Variants in COL6A6 observed in about 807,000 individuals in gnomAD.
COL6A6 encodes the protein collagen alpha-6(VI) chain.
Under a neutral mutation model 208.6 loss-of-function variants are expected in COL6A6, and 183 were observed. The observed-to-expected ratio is 0.88, with a 90% confidence interval of 0.78 to 0.99. The LOEUF is 0.99. Among genes scored for constraint, COL6A6 ranks in the 50% least tolerant of loss-of-function variants. The probability of loss-of-function intolerance (pLI) is 0.00; values close to 1 mark genes in which losing one functional copy is unlikely to be tolerated. For missense variants in COL6A6, 2,816 were observed against 2,815.2 expected (o/e 1.00, Z -0.01); for synonymous variants, 973 against 1,011.8 (o/e 0.96, Z 0.73).
intron 1 of COL6A6, among the ~76,000 whole-genome samples, chr3:130,537,002 C>G (rs191813454): frequency 9.9e-5 from 15 of 152,266 alleles, no homozygotes; most frequent in African/African-American, 3.6e-4. Context: ...ACAGTGTCTG[C>G]TCAGGGATGT....
intron 8 of COL6A6, among the ~76,000 whole-genome samples, chr3:130,575,010 C>T (rs986098559): frequency 2.6e-5 from 4 of 152,078 alleles, no homozygotes; most frequent in Non-Finnish European, 5.9e-5. Flanking sequence ...ACAATTAGTG[C>T]ATTTTGACAC....
chr3:130,566,641 G>C, intron 4 of COL6A6, 61 bp from the exon 5 acceptor site: 1 of 1,360,176 alleles, frequency 7.4e-7, no homozygotes, highest in Admixed American at 2.6e-5. Flanking sequence ...CTTTCCATGT[G>C]CTCTCATTTC....
At chr3:130,636,008 T>G (rs2065101431) in intron 28 of COL6A6, among the ~76,000 whole-genome samples, 3 of 152,208 alleles carry the variant, frequency 2.0e-5, no homozygotes, top group Admixed American at 6.5e-5. Context: ...TACTTAACAC[T>G]GGTAATAAGA....
chr3:130,642,501 C>T (rs909629628), intron 29 of COL6A6, among the ~76,000 whole-genome samples: 4 of 152,140 alleles, frequency 2.6e-5, no homozygotes, highest in Admixed American at 6.5e-5. Context: ...AGTCCTGAGG[C>T]GTAGGCGTGC....
Position 130,580,512 on chromosome 3 carries a change from CCA to C in COL6A6, c.3548-1048_3548-1047del, listed in dbSNP as rs770900164. On this transcript the variant is annotated intron_variant, in intron 8 of 36. Coordinates refer to ENST00000358511, the MANE Select transcript of COL6A6 (RefSeq NM_001102608.3). Reference sequence around the variant, plus strand: ...TAAGCATTTGCAAATGTCCAACTGACCAGTGTGTCTGGGAAGTAGTTAAGCAT... The same window carrying C: ...TAAGCATTTGCAAATGTCCAACTGACGTGTGTCTGGGAAGTAGTTAAGCAT... Among the ~76,000 whole-genome samples, 3 of 152,286 alleles carry C rather than the reference CCA, an allele frequency of 2.0e-5. No homozygotes were observed. The South Asian group carries it at 6.2e-4, about 32-fold the overall frequency.
intron 32 of COL6A6, among the ~76,000 whole-genome samples, chr3:130,645,241 G>C (rs1229088361): frequency 6.6e-6 from 1 of 151,998 alleles, no homozygotes; most frequent in Non-Finnish European, 1.5e-5. Context: ...AAATCATTAA[G>C]ATATTAATAT....
At chr3:130,579,213 C>T (rs912381240) in intron 8 of COL6A6, among the ~76,000 whole-genome samples, 1 of 152,174 alleles carries the variant, frequency 6.6e-6, no homozygotes, top group Non-Finnish European at 1.5e-5. Context: ...TCATCAGCTC[C>T]AATTAAGTAC....
chr3:130,644,971 C>G lies in COL6A6; in HGVS notation c.5228-20C>G, dbSNP rs1051521250. 6.2e-7 allele frequency: 1 copy of G among 1,609,366 alleles called. No homozygotes were observed. Among genetic ancestry groups the G allele is most frequent in the Non-Finnish European group, 8.5e-7 (1 of 1,175,898 alleles). Reference sequence around the variant, plus strand: ...CTCCTACCAAATAATAATCCAATCTCCTTTGTTCTTCTTCCCCAGCTGGCA... The same window carrying G: ...CTCCTACCAAATAATAATCCAATCTGCTTTGTTCTTCTTCCCCAGCTGGCA... On this transcript the variant is annotated intron_variant, in intron 31 of 36. Coordinates refer to ENST00000358511, the MANE Select transcript of COL6A6 (RefSeq NM_001102608.3).
At chr3:130,620,032 T>C (rs1354419509) in intron 23 of COL6A6, among the ~76,000 whole-genome samples, 1 of 152,184 alleles carries the variant, frequency 6.6e-6, no homozygotes, top group Non-Finnish European at 1.5e-5. Context: ...ACTTCTGGGC[T>C]CAAGTGATCC....
chr3:130,662,508 A>AT lies in COL6A6; in HGVS notation c.6502+210dup, dbSNP rs146981165. ...TCCTACACATTTAGTTTTCTGGCTT[A>AT]TTTTTTTTTTATGCCTCTGGTTCCT... On this transcript the variant is annotated intron_variant, in intron 35 of 36. Coordinates refer to ENST00000358511, the MANE Select transcript of COL6A6 (RefSeq NM_001102608.3). 8.0e-3 allele frequency among the ~76,000 whole-genome samples: 1,200 copies of AT among 149,356 alleles called. 15 individuals are homozygous for AT. The highest frequency in any genetic ancestry group is 0.022 in the African/African-American group (902 of 40,802).
chr3:130,604,484 G>A (rs1369675081), intron 20 of COL6A6, among the ~76,000 whole-genome samples: 1 of 142,252 alleles, frequency 7.0e-6, no homozygotes, highest in Non-Finnish European at 1.5e-5. Flanking sequence ...GACAGAGCGA[G>A]ACTCCGTCTC....
At chr3:130,572,333 T>C (rs1365238626) in intron 7 of COL6A6, among the ~76,000 whole-genome samples, 1 of 152,222 alleles carries the variant, frequency 6.6e-6, no homozygotes, top group Non-Finnish European at 1.5e-5. Flanking sequence ...TTTTATACTT[T>C]TGGTTCAGAG....
chr3:130,618,790 G>A (rs1187899836), intron 23 of COL6A6, among the ~76,000 whole-genome samples: 1 of 152,178 alleles, frequency 6.6e-6, no homozygotes, highest in African/African-American at 2.4e-5. Context: ...ACTCATCCAA[G>A]ACATTTTTTA....
chr3:130,522,606 C>G (rs1466568155), intron 1 of COL6A6, among the ~76,000 whole-genome samples: 1 of 152,112 alleles, frequency 6.6e-6, no homozygotes, highest in African/African-American at 2.4e-5. Flanking sequence ...ATCTAACTGC[C>G]CACAAGGCAC....
rs1559782755 is a variant in COL6A6 at position 130,644,974 on chromosome 3, T to C, written c.5228-17T>C. ...CTACCAAATAATAATCCAATCTCCTTTGTTCTTCTTCCCCAGCTGGCAGGC... is the reference window on the plus strand; with the variant it reads ...CTACCAAATAATAATCCAATCTCCTCTGTTCTTCTTCCCCAGCTGGCAGGC... On this transcript the variant is annotated splice_polypyrimidine_tract_variant and intron_variant, in intron 31 of 36. Transcript: ENST00000358511. 3.1e-6 allele frequency: 5 copies of C among 1,610,190 alleles called. No individual in the cohort carries two copies. The highest frequency in any genetic ancestry group is 3.3e-5 in the Admixed American group (2 of 60,026).
chr3:130,583,317 A>G (rs1230004877), intron 10 of COL6A6, among the ~76,000 whole-genome samples: 2 of 152,036 alleles, frequency 1.3e-5, no homozygotes, highest in African/African-American at 4.8e-5. Flanking sequence ...AGCTGTAATG[A>G]AGGTTTTAAT....
chr3:130,516,936 C>T (rs865918540), upstream of COL6A6, among the ~76,000 whole-genome samples: 8 of 152,192 alleles, frequency 5.3e-5, no homozygotes, highest in African/African-American at 1.9e-4. Context: ...ACCATGAAAG[C>T]CCCAACTTCC....
In COL6A6 at chr3:130,628,806, C is replaced by CCGA; in HGVS notation, c.4992+1437_4992+1438insCGA. Among the ~76,000 whole-genome samples the CCGA allele has an allele frequency of 4.4e-5, 3 of 67,616 alleles. No individual in the cohort carries two copies. The South Asian group carries it at 1.3e-3, about 30-fold the overall frequency. The allele number at this position is 67,616 out of a possible 152,430, so 44.4% of individuals were successfully genotyped here. A position where few individuals can be genotyped will look rare whatever the true frequency, so the allele number is the denominator to read the frequency against. ...GCGACGCAGAAGACGGTGATTTCTG[C>CCGA]ATTTCCATCTGAGACCTGCAGCTGA... On this transcript the variant is annotated intron_variant, in intron 26 of 36. Coordinates refer to ENST00000358511, the MANE Select transcript of COL6A6 (RefSeq NM_001102608.3).
chr3:130,563,425 C>T lies in COL6A6; in HGVS notation c.422C>T (p.Ser141Phe). Residue 141 changes from serine to phenylalanine, a missense_variant, in exon 3 of 37, where the codon TCT becomes TTT. Physicochemically the swap from Ser to Phe is radical, Grantham distance 155. Transcript: ENST00000358511. ...CCAATTCTAGTGGTCCTGGCTTCAT[C>T]TGAGTCTGAGGATAATGTGGAAGAG... ...FPPILVVLASSESEDNVEEAS... is the reference protein window; with the variant it reads ...FPPILVVLASFESEDNVEEAS... The T allele has an allele frequency of 6.2e-7, 1 of 1,614,006 alleles. No homozygotes were observed. Among genetic ancestry groups the T allele is most frequent in the Non-Finnish European group, 8.5e-7 (1 of 1,179,894 alleles).
Sources: gnomAD v4.1 joint callset for allele counts (sites outside exome capture counted in the v4.1 genomes callset) on GRCh38, gnomAD v4.1.1 for gene constraint, MANE v1.5 for transcripts, NCBI Gene and HGNC (gene_info 2026-07-23, HGNC 2026-07-21) for gene names.